Variants in MACROD2 observed in about 807,000 individuals in gnomAD.
MACROD2 encodes ADP-ribose glycohydrolase MACROD2.
In MACROD2, 36 loss-of-function variants were observed where a neutral mutation model predicts 70.4. The ratio of observed to expected loss-of-function variants is 0.51; its 90% confidence interval spans 0.39 to 0.68. MACROD2 has a LOEUF of 0.68. Among genes scored for constraint, MACROD2 ranks in the 30% least tolerant of loss-of-function variants. The pLI, the probability that MACROD2 is intolerant of heterozygous loss-of-function variation, is 0.00. For missense variants in MACROD2, 496 were observed against 538.4 expected (o/e 0.92, Z 0.78); for synonymous variants, 172 against 178.8 (o/e 0.96, Z 0.30).
chr20:14,121,658 G>C (rs1035360153), intron 3 of MACROD2, among the ~76,000 whole-genome samples: 5 of 152,110 alleles, frequency 3.3e-5, no homozygotes, highest in African/African-American at 9.7e-5. Context: ...TTGAATTACT[G>C]AGCAGTTTTG....
chr20:14,493,453 C>T, intron 3 of MACROD2, 26 bp from the exon 4 acceptor site: 1 of 1,597,014 alleles, frequency 6.3e-7, no homozygotes, highest in Non-Finnish European at 8.6e-7. Flanking sequence ...TATTTAATGT[C>T]TTTTGTTGTG....
intron 3 of MACROD2, among the ~76,000 whole-genome samples, chr20:14,348,549 G>T (rs2083087809): frequency 1.3e-5 from 2 of 149,388 alleles, no homozygotes; most frequent in South Asian, 2.1e-4. Flanking sequence ...TCTTTTATTA[G>T]TAGACAAAAA....
At chr20:15,122,558 T>C (rs1220767230) in intron 5 of MACROD2, among the ~76,000 whole-genome samples, 1 of 152,230 alleles carries the variant, frequency 6.6e-6, no homozygotes, top group Non-Finnish European at 1.5e-5. Context: ...ATAACTGTTT[T>C]GTTTTATTTT....
intron 3 of MACROD2, chr20:14,222,993 A>C (rs2081693498): frequency 6.6e-6 from 1 of 152,236 alleles, no homozygotes; most frequent in African/African-American, 2.4e-5. Context: ...AGGTGCTCAG[A>C]TATTTGTATA....
At chr20:14,071,161 T>C (rs1176909566) in intron 2 of MACROD2, among the ~76,000 whole-genome samples, 3 of 152,092 alleles carry the variant, frequency 2.0e-5, no homozygotes, top group Non-Finnish European at 2.9e-5. Context: ...ACTTATGATT[T>C]TAATGAAAAT....
intron 8 of MACROD2, among the ~76,000 whole-genome samples, chr20:15,520,967 T>C (rs1044845766): frequency 2.6e-5 from 4 of 152,258 alleles, no homozygotes; most frequent in African/African-American, 7.2e-5. Context: ...CCTTTCATTC[T>C]GTTTCTCATC....
At chr20:15,431,281 C>A in intron 6 of MACROD2, 124 bp from the exon 7 acceptor site, 1 of 807,176 alleles carries the variant, frequency 1.2e-6, no homozygotes, top group Non-Finnish European at 2.1e-6. Context: ...CCTACTCCAA[C>A]TCATAGCTCT....
At chr20:14,557,900 T>G (rs117787834) in intron 4 of MACROD2, among the ~76,000 whole-genome samples, 3,575 of 151,888 alleles carry the variant, frequency 0.024, 61 homozygotes, top group Admixed American at 0.037. Context: ...TTAAAAAAAT[T>G]TACATAAAAA....
At chr20:15,842,181 A>G (rs2064178408) in intron 8 of MACROD2, among the ~76,000 whole-genome samples, 1 of 152,128 alleles carries the variant, frequency 6.6e-6, no homozygotes, top group African/African-American at 2.4e-5. Context: ...CTTAGTATTA[A>G]GGACCACCTA....
At chr20:16,020,145 C>A (rs536800138) in intron 15 of MACROD2, among the ~76,000 whole-genome samples, 18 of 152,254 alleles carry the variant, frequency 1.2e-4, no homozygotes, top group African/African-American at 4.1e-4. Flanking sequence ...TTCTTAGTCC[C>A]ACAAAGGCTG....
chr20:15,008,042 A>G (rs1036613858), intron 5 of MACROD2, among the ~76,000 whole-genome samples: 7 of 152,252 alleles, frequency 4.6e-5, no homozygotes, highest in African/African-American at 1.4e-4. Flanking sequence ...CAAACTCCCT[A>G]TCAAATTCCC....
intron 6 of MACROD2, among the ~76,000 whole-genome samples, chr20:15,428,325 C>T (rs1397589449): frequency 1.3e-5 from 2 of 152,280 alleles, no homozygotes; most frequent in South Asian, 2.1e-4. Flanking sequence ...TATCTTCTGG[C>T]TTTCCCTTTG....
intron 7 of MACROD2, among the ~76,000 whole-genome samples, chr20:15,475,828 G>T (rs1440536977): frequency 6.6e-6 from 1 of 152,224 alleles, no homozygotes; most frequent in African/African-American, 2.4e-5. Flanking sequence ...GGGTAATTCT[G>T]ATGGCAGAAA....
chr20:15,923,309 A>C (rs1244322473), intron 10 of MACROD2, among the ~76,000 whole-genome samples: 1 of 152,168 alleles, frequency 6.6e-6, no homozygotes, highest in African/African-American at 2.4e-5. Flanking sequence ...GGCAAGAGAA[A>C]ATGAGGAAGA....
chr20:15,560,015 A>C (rs570463372), intron 8 of MACROD2, among the ~76,000 whole-genome samples: 1 of 152,298 alleles, frequency 6.6e-6, no homozygotes, highest in East Asian at 1.9e-4. Flanking sequence ...CTTTTTATTT[A>C]GTTCATCAAA....
chr20:14,184,235 A>G (rs549161459), intron 3 of MACROD2, among the ~76,000 whole-genome samples: 11 of 152,166 alleles, frequency 7.2e-5, no homozygotes, highest in South Asian at 2.1e-4. Flanking sequence ...TCTAGTTTCA[A>G]TCTTCTGCAT....
At chr20:15,144,537 G>A (rs1415985848) in intron 5 of MACROD2, among the ~76,000 whole-genome samples, 7 of 152,066 alleles carry the variant, frequency 4.6e-5, no homozygotes, top group East Asian at 1.9e-4. Context: ...AACTGATTAA[G>A]TTTCTCTGGA....
intron 8 of MACROD2, among the ~76,000 whole-genome samples, chr20:15,550,131 T>C (rs1325656272): frequency 6.6e-6 from 1 of 152,010 alleles, no homozygotes; most frequent in Non-Finnish European, 1.5e-5. Flanking sequence ...CACATTTACT[T>C]GTCAGATCTC....
rs1225069737 is a variant in MACROD2, at chr20:14,918,264, C to G, written c.418+233305C>G. On this transcript the variant is annotated intron_variant, in intron 5 of 17. Transcript: ENST00000684519. ...GTGCTGGGATTACAGGCATGAGCAA[C>G]TGGACTAGAAAAGGTTTTTCATGAT... Among the ~76,000 whole-genome samples the G allele has an allele frequency of 2.0e-5, 3 of 152,162 alleles. No homozygotes were observed. In the East Asian group the frequency reaches 5.8e-4, roughly 29 times the overall value.
Sources: allele counts gnomAD v4.1 joint callset (sites outside exome capture counted in the v4.1 genomes callset), GRCh38; gene constraint gnomAD v4.1.1; transcripts MANE v1.5; gene names NCBI Gene and HGNC (gene_info 2026-07-23, HGNC 2026-07-21).